The following YEATS2 variants were observed in gnomAD, a reference collection of about 807,000 sequenced individuals.
YEATS2 encodes YEATS domain-containing protein 2.
Under a neutral mutation model 163.2 loss-of-function variants are expected in YEATS2, and 77 were observed. The observed-to-expected ratio is 0.47, with a 90% CI of 0.39 to 0.57. YEATS2 has a LOEUF of 0.57. Ranked by LOEUF, YEATS2 falls within the 20% of genes least tolerant of loss-of-function variation. YEATS2 has a pLI of 0.00. For missense variants in YEATS2, 1,549 were observed against 1,729.8 expected (o/e 0.90, Z 1.85); for synonymous variants, 631 against 645.1 (o/e 0.98, Z 0.33).
In YEATS2 at chr3:183,779,200, C is replaced by T. The variant is rs149186041; in HGVS notation, c.2736+1500C>T. On this transcript the variant is annotated intron_variant, in intron 19 of 30. Transcript: ENST00000305135. ...CTGGGATTACAGGCACAAGCCACCA[C>T]GCCCAGCCCGTTTTCATTCTTGCTT... Among the ~76,000 whole-genome samples the T allele has an allele frequency of 2.2e-4, 34 of 152,342 alleles. No individual in the cohort carries two copies. In the East Asian group the frequency reaches 3.7e-3, roughly 16 times the overall value.
Position 183,786,280 on chromosome 3 carries a change from A to C in YEATS2, c.2892A>C (p.Ser964=). The change falls in exon 20 of 31, where the codon TCA becomes TCC. Residue 964 remains serine (S), a synonymous_variant. Coordinates refer to ENST00000305135, the MANE Select transcript of YEATS2 (RefSeq NM_018023.5). ...CCACTTCCCCTGCCGTGGCCCTCTCAGCAAACGGTCCTGCACAACAGGTGA... is the reference window on the plus strand; with the variant it reads ...CCACTTCCCCTGCCGTGGCCCTCTCCGCAAACGGTCCTGCACAACAGGTGA... ...TTATSPAVAL[S]ANGPAQQSEG... 1 of 1,613,630 alleles carries C rather than the reference A, an allele frequency of 6.2e-7. No homozygotes were observed.
chr3:183,731,963 T>G (rs1717830851), intron 7 of YEATS2, among the ~76,000 whole-genome samples: 1 of 152,214 alleles, frequency 6.6e-6, no homozygotes, highest in Non-Finnish European at 1.5e-5. Context: ...AATAGTATTT[T>G]AAAAGAGATT....
chr3:183,795,422 G>C (rs1025797189), intron 21 of YEATS2, among the ~76,000 whole-genome samples: 1 of 147,712 alleles, frequency 6.8e-6, no homozygotes, highest in Admixed American at 6.8e-5. Flanking sequence ...CCTAATGGCT[G>C]GTACTACAGG....
At chr3:183,796,949 G>C (rs1014456397) in intron 21 of YEATS2, among the ~76,000 whole-genome samples, 1 of 151,934 alleles carries the variant, frequency 6.6e-6, no homozygotes, top group African/African-American at 2.4e-5. Flanking sequence ...TAATCATTAC[G>C]GGCAGGCACA....
intron 1 of YEATS2, among the ~76,000 whole-genome samples, chr3:183,706,587 CG>C (rs1351449183): frequency 6.6e-6 from 1 of 152,138 alleles, no homozygotes; most frequent in African/African-American, 2.4e-5. Context: ...GAGGCCAAGA[CG>C]GGCAGATCAC....
chr3:183,746,947 A>G (rs1175787295), intron 8 of YEATS2, among the ~76,000 whole-genome samples: 2 of 151,386 alleles, frequency 1.3e-5, no homozygotes, highest in Non-Finnish European at 1.5e-5. Context: ...TTCCCTGTTA[A>G]TCTTATTGCA....
chr3:183,761,961 C>T, intron 14 of YEATS2, 136 bp from the exon 15 acceptor site: 18 of 1,181,392 alleles, frequency 1.5e-5, no homozygotes, highest in Non-Finnish European at 2.2e-5. Flanking sequence ...ATTTACCCTT[C>T]TGGTGGAGTC....
chr3:183,714,357 G>A (rs920528619), intron 1 of YEATS2, among the ~76,000 whole-genome samples: 5 of 145,286 alleles, frequency 3.4e-5, no homozygotes, highest in Admixed American at 6.8e-5. Context: ...CACCATGCCC[G>A]TCTTTTTTTT....
At chr3:183,791,572 G>A (rs1204969694) in intron 21 of YEATS2, among the ~76,000 whole-genome samples, 3 of 152,094 alleles carry the variant, frequency 2.0e-5, no homozygotes, top group South Asian at 2.1e-4. Context: ...TTTTTATAAC[G>A]TAATTTTGGG....
chr3:183,735,430 C>T (rs1001416553), intron 7 of YEATS2, among the ~76,000 whole-genome samples: 3 of 152,192 alleles, frequency 2.0e-5, no homozygotes, highest in African/African-American at 7.2e-5. Flanking sequence ...TCCTTTGCAG[C>T]TGATTTCTTC....
intron 23 of YEATS2, among the ~76,000 whole-genome samples, 184 bp from the exon 24 acceptor site, chr3:183,800,282 G>C (rs541705483): frequency 2.6e-5 from 4 of 152,208 alleles, no homozygotes; most frequent in Non-Finnish European, 5.9e-5. Flanking sequence ...CAGGCTAACA[G>C]TTCTTCCCTT....
chr3:183,701,935 C>A (rs1056886289), intron 1 of YEATS2, among the ~76,000 whole-genome samples: 1 of 152,186 alleles, frequency 6.6e-6, no homozygotes, highest in Non-Finnish European at 1.5e-5. Flanking sequence ...TTGCCTAGAA[C>A]TAGTTCTACT....
At chr3:183,767,756 A>C (rs1430769936) in intron 15 of YEATS2, among the ~76,000 whole-genome samples, 1 of 151,698 alleles carries the variant, frequency 6.6e-6, no homozygotes, top group Non-Finnish European at 1.5e-5. Flanking sequence ...ACCTCTAATG[A>C]TCCGCCCACC....
At position 183,772,530 on chromosome 3, in the gene YEATS2, G is replaced by GC; in HGVS notation, c.2174dup (p.Gly726TrpfsTer21). 1 of 1,614,108 alleles carries GC rather than the reference G, an allele frequency of 6.2e-7. No homozygotes were observed. Among genetic ancestry groups the GC allele is most frequent in the Non-Finnish European group, 8.5e-7 (1 of 1,180,042 alleles). ...CTTAACCAAGGCCCAGGTTACTGCC[G>GC]CTGGTCCTCAGAAGAGTGGATCCCA... On this transcript the variant is annotated frameshift_variant, in exon 16 of 31. Transcript: ENST00000305135. LOFTEE classifies it high-confidence loss of function.
intron 17 of YEATS2, 42 bp from the exon 18 acceptor site, chr3:183,775,873 T>G (rs755177895): frequency 1.2e-6 from 2 of 1,610,064 alleles, no homozygotes; most frequent in South Asian, 2.2e-5. Flanking sequence ...AAGCTTTGCT[T>G]GATACTTTTT....
chr3:183,729,567 GTA>G (rs1273091569), intron 7 of YEATS2, among the ~76,000 whole-genome samples: 1 of 152,076 alleles, frequency 6.6e-6, no homozygotes, highest in Non-Finnish European at 1.5e-5. Context: ...TATTTCTTCT[GTA>G]CATATTTGAA....
Position 183,786,059 on chromosome 3 carries a change from G to A in YEATS2, c.2737-66G>A, listed in dbSNP as rs75098284. The A allele has an allele frequency of 9.2e-3, 14,206 of 1,538,262 alleles. 562 individuals are homozygous for A. In the East Asian group the frequency reaches 0.14, roughly 15 times the overall value. ...GTCATGGGGCGTATCTCAGCTGTCA[G>A]TAAGGAATGAGTTATGTCTATTATC... On this transcript the variant is annotated intron_variant, in intron 19 of 30. Coordinates refer to ENST00000305135, the MANE Select transcript of YEATS2 (RefSeq NM_018023.5).
In YEATS2 at chr3:183,715,136, C is replaced by A. The variant is rs767697671; in HGVS notation, c.-19-8C>A. Reference sequence around the variant, plus strand: ...ATTAAAAATTATTAATTTATCATTGCTTCACAGTGAAGAACTGAATGTCAT... The same window carrying A: ...ATTAAAAATTATTAATTTATCATTGATTCACAGTGAAGAACTGAATGTCAT... On this transcript the variant is annotated splice_polypyrimidine_tract_variant and splice_region_variant and intron_variant, in intron 1 of 30. Transcript: ENST00000305135. 18 of 1,531,868 alleles carry A rather than the reference C, an allele frequency of 1.2e-5. No homozygotes were observed. The highest frequency in any genetic ancestry group is 1.4e-5 in the African/African-American group (1 of 72,366). 94.9% of individuals were successfully genotyped at this position (1,531,868 alleles called of 1,614,324 possible).
intron 15 of YEATS2, among the ~76,000 whole-genome samples, chr3:183,771,392 A>G (rs928823850): frequency 6.6e-6 from 1 of 152,046 alleles, no homozygotes; most frequent in Non-Finnish European, 1.5e-5. Flanking sequence ...TCAGTGTTTA[A>G]TTTAACATCC....
Sources: allele counts gnomAD v4.1 joint callset (sites outside exome capture counted in the v4.1 genomes callset), GRCh38; gene constraint gnomAD v4.1.1; transcripts MANE v1.5; gene names NCBI Gene and HGNC (gene_info 2026-07-23, HGNC 2026-07-21).